NCEH1: variants seen among roughly 807,000 people sequenced by gnomAD.
NCEH1 encodes the protein neutral cholesterol ester hydrolase 1.
Under a neutral mutation model 25.4 loss-of-function variants are expected in NCEH1, and 9 were observed. The ratio of observed to expected loss-of-function variants is 0.35; its 90% confidence interval spans 0.21 to 0.62. NCEH1 has a LOEUF of 0.62. Among genes scored for constraint, NCEH1 ranks in the 20% least tolerant of loss-of-function variants. The pLI, the probability that NCEH1 is intolerant of heterozygous loss-of-function variation, is 0.72. For missense variants in NCEH1, 412 were observed against 501.1 expected, an observed-to-expected ratio of 0.82 and a Z score of 1.70; for synonymous variants, 200 against 199.8, an observed-to-expected ratio of 1.00 and a Z score of -0.01.
At chr3:172,663,941 G>A (rs558992280) in intron 1 of NCEH1, among the ~76,000 whole-genome samples, 2 of 152,244 alleles carry the variant, frequency 1.3e-5, no homozygotes, top group African/African-American at 4.8e-5. Flanking sequence ...TTTAATTGGG[G>A]CATTTAGCCC....
chr3:172,685,472 C>T (rs1350495321), intron 1 of NCEH1, among the ~76,000 whole-genome samples: 2 of 152,144 alleles, frequency 1.3e-5, no homozygotes, highest in African/African-American at 4.8e-5. Context: ...CCCAAAGGGC[C>T]CACAAATACA....
chr3:172,638,798 G>A (rs1425751106), intron 3 of NCEH1, among the ~76,000 whole-genome samples: 1 of 152,102 alleles, frequency 6.6e-6, no homozygotes, highest in East Asian at 1.9e-4. Flanking sequence ...TTGATCAAAG[G>A]CAATTGGTAA....
At chr3:172,693,459 G>GA (rs11462052) in intron 1 of NCEH1, among the ~76,000 whole-genome samples, 29,494 of 130,648 alleles carry the variant, frequency 0.23, 3,303 homozygotes, top group South Asian at 0.34. Flanking sequence ...GCCTGAATAT[G>GA]AAAAAAAAAA....
intron 1 of NCEH1, among the ~76,000 whole-genome samples, chr3:172,710,481 C>T (rs1033700902): frequency 5.3e-5 from 8 of 152,194 alleles, no homozygotes; most frequent in African/African-American, 1.9e-4. Flanking sequence ...CTGCCGGTCC[C>T]TATGGGAGAA....
chr3:172,682,417 C>A (rs143482798), intron 1 of NCEH1, among the ~76,000 whole-genome samples: 1 of 152,250 alleles, frequency 6.6e-6, no homozygotes, highest in African/African-American at 2.4e-5. Flanking sequence ...TTCCCTGTTA[C>A]GTATAAGTCC....
chr3:172,644,463 G>A (rs531852918), intron 3 of NCEH1, among the ~76,000 whole-genome samples: 21 of 152,304 alleles, frequency 1.4e-4, no homozygotes, highest in East Asian at 7.7e-4. Flanking sequence ...AGTGGTTGGC[G>A]TCATGGCCCT....
chr3:172,703,017 C>A (rs193171949), intron 1 of NCEH1: 4 of 151,682 alleles, frequency 2.6e-5, no homozygotes, highest in African/African-American at 9.7e-5. Flanking sequence ...AAGTAAAAAA[C>A]GAAAATAAAT....
chr3:172,694,770 A>AT lies in NCEH1; in HGVS notation c.138+16076dup, dbSNP rs775901819. Among the ~76,000 whole-genome samples, 6 of 151,854 alleles carry AT rather than the reference A, an allele frequency of 4.0e-5. No individual in the cohort carries two copies. In the East Asian group the frequency reaches 9.6e-4, roughly 24 times the overall value. ...TGGGCTTCTCTGATGCCTTCTTCCC[A>AT]TTTTTTCTTGTTTTCCCAACTTCTG... On this transcript the variant is annotated intron_variant, in intron 1 of 4. Transcript: ENST00000475381.
intron 1 of NCEH1, among the ~76,000 whole-genome samples, chr3:172,668,441 G>A (rs572307182): frequency 1.5e-5 from 2 of 129,174 alleles, no homozygotes; most frequent in Non-Finnish European, 3.1e-5. Flanking sequence ...TACAAGCTCC[G>A]CCTCCCAGGT....
chr3:172,673,539 G>A (rs1175607618), intron 1 of NCEH1, among the ~76,000 whole-genome samples: 3 of 152,214 alleles, frequency 2.0e-5, no homozygotes, highest in African/African-American at 7.2e-5. Flanking sequence ...GCTGCCATTT[G>A]AAAGGAAAGG....
In NCEH1 at chr3:172,642,603, C is replaced by CAAAA. The variant is rs66551744; in HGVS notation, c.437+3016_437+3019dup. Among the ~76,000 whole-genome samples, 167 of 83,314 alleles carry CAAAA rather than the reference C, an allele frequency of 2.0e-3. 2 individuals are homozygous for CAAAA. The highest frequency in any genetic ancestry group is 7.0e-3 in the Middle Eastern group (1 of 142). The allele number at this position is 83,314 out of a possible 152,430, so 54.7% of individuals were successfully genotyped here. On this transcript the variant is annotated intron_variant, in intron 3 of 4. Transcript: ENST00000475381. The stretch of plus-strand genomic sequence containing the variant: ...AAGGATTACTATCTTGCTATTTCTA[C>CAAAA]AAAAAAAAAAAAAAAAAAAAAGAAA...
chr3:172,706,817 G>A (rs1210495298), intron 1 of NCEH1, among the ~76,000 whole-genome samples: 1 of 151,798 alleles, frequency 6.6e-6, no homozygotes, highest in Non-Finnish European at 1.5e-5. Context: ...CGTTTAAATG[G>A]TGCTGCAAAT....
chr3:172,675,226 G>A (rs1312872042), intron 1 of NCEH1, among the ~76,000 whole-genome samples: 1 of 151,968 alleles, frequency 6.6e-6, no homozygotes, highest in Non-Finnish European at 1.5e-5. Flanking sequence ...TTGCTTGAAC[G>A]TGGGAGGTGG....
At chr3:172,672,971 T>A (rs1219954373) in intron 1 of NCEH1, among the ~76,000 whole-genome samples, 6 of 152,184 alleles carry the variant, frequency 3.9e-5, no homozygotes, top group Non-Finnish European at 8.8e-5. Flanking sequence ...TGATGGGTCC[T>A]GGGGCCCAAA....
intron 1 of NCEH1, among the ~76,000 whole-genome samples, chr3:172,709,255 A>G (rs1028482821): frequency 2.6e-5 from 4 of 152,206 alleles, no homozygotes; most frequent in Admixed American, 2.6e-4. Context: ...TGACCTGAAA[A>G]CTAAGAATAA....
At position 172,661,959 on chromosome 3, in the gene NCEH1, T is replaced by C. The variant is rs760035058; in HGVS notation, c.139-13845A>G. Among the ~76,000 whole-genome samples, 56 of 152,238 alleles carry C rather than the reference T, an allele frequency of 3.7e-4. 1 individual carries two copies. Among genetic ancestry groups the C allele is most frequent in the Admixed American group, 3.7e-3 (56 of 15,286 alleles). ...CTTTTCCTAATTGAATACCCTGTAT[T>C]TCTTTCTCATGCCTGATTGCCCTGG... On this transcript the variant is annotated intron_variant, in intron 1 of 4. Coordinates refer to ENST00000475381, the MANE Select transcript of NCEH1 (RefSeq NM_020792.6).
intron 1 of NCEH1, among the ~76,000 whole-genome samples, chr3:172,665,716 G>T (rs2108509078): frequency 6.6e-6 from 1 of 152,280 alleles, no homozygotes; most frequent in Middle Eastern, 3.4e-3. Flanking sequence ...CAGCCTTGCT[G>T]CTGCCTCGCA....
At chr3:172,654,812 C>T (rs906893324) in intron 1 of NCEH1, among the ~76,000 whole-genome samples, 2 of 152,242 alleles carry the variant, frequency 1.3e-5, no homozygotes, top group Admixed American at 6.5e-5. Context: ...TTTTCCACTA[C>T]GGTCACTTCA....
intron 1 of NCEH1, among the ~76,000 whole-genome samples, chr3:172,656,163 GA>G (rs1371787965): frequency 4.6e-5 from 7 of 152,140 alleles, no homozygotes; most frequent in Non-Finnish European, 7.4e-5. Context: ...GTTGAAGAAA[GA>G]GAGAGAGTAA....
Sources: gnomAD v4.1 joint callset for allele counts (sites outside exome capture counted in the v4.1 genomes callset) on GRCh38, gnomAD v4.1.1 for gene constraint, MANE v1.5 for transcripts, NCBI Gene and HGNC (gene_info 2026-07-23, HGNC 2026-07-21) for gene names.